The following DHX30 variants were observed in gnomAD, a reference collection of about 807,000 sequenced individuals.
DHX30 encodes the protein ATP-dependent RNA helicase DHX30.
In DHX30, 4 loss-of-function variants were observed where a neutral mutation model predicts 116.9. The observed-to-expected ratio is 0.03, with a 90% CI of 0.02 to 0.08. The LOEUF (loss-of-function observed/expected upper bound fraction) is 0.08. Among genes scored for constraint, DHX30 ranks in the 10% least tolerant of loss-of-function variants. The pLI, the probability that DHX30 is intolerant of heterozygous loss-of-function variation, is 1.00. For synonymous variants in DHX30, 697 were observed against 651.7 expected (o/e 1.07, Z -1.06); for missense variants, 871 against 1,595.1 (o/e 0.55, Z 7.73).
intron 6 of DHX30, among the ~76,000 whole-genome samples, chr3:47,830,122 G>GCA (rs2036776513): frequency 6.7e-6 from 1 of 150,336 alleles, no homozygotes; most frequent in Non-Finnish European, 1.5e-5. Flanking sequence ...GAGCCACCAT[G>GCA]CCTGGCCAAC....
At chr3:47,835,407 A>G (rs1211739969) in intron 6 of DHX30, among the ~76,000 whole-genome samples, 1 of 149,016 alleles carries the variant, frequency 6.7e-6, no homozygotes, top group Non-Finnish European at 1.5e-5. Context: ...ACCTCAGGTG[A>G]TCTGCCTGCC....
intron 6 of DHX30, among the ~76,000 whole-genome samples, chr3:47,836,440 C>A (rs2037120945): frequency 6.6e-6 from 1 of 151,884 alleles, no homozygotes; most frequent in Non-Finnish European, 1.5e-5. Flanking sequence ...GCCCGGCCAT[C>A]CCAGCCTGTC....
chr3:47,826,701 C>T (rs2036570401), intron 4 of DHX30, among the ~76,000 whole-genome samples: 1 of 146,970 alleles, frequency 6.8e-6, no homozygotes, highest in Non-Finnish European at 1.5e-5. Context: ...ATCCACCCGC[C>T]TTGGCCTCCC....
intron 2 of DHX30, among the ~76,000 whole-genome samples, chr3:47,809,558 T>G (rs1044163988): frequency 6.6e-6 from 1 of 152,186 alleles, no homozygotes; most frequent in Non-Finnish European, 1.5e-5. Flanking sequence ...TGTAACTTCT[T>G]AAAGTAAATG....
chr3:47,848,825 C>T lies in DHX30; in HGVS notation c.2769+8C>T. 6.2e-7 allele frequency: 1 copy of T among 1,605,718 alleles called. No homozygotes were observed. The highest frequency in any genetic ancestry group is 8.5e-7 in the Non-Finnish European group (1 of 1,173,024). Reference sequence around the variant, plus strand: ...CGGGCAGAGGTGGACAAGGTCAGTCCTGGCTCCTTCCTGGAGCCGTCCACC... The same window carrying T: ...CGGGCAGAGGTGGACAAGGTCAGTCTTGGCTCCTTCCTGGAGCCGTCCACC... On this transcript the variant is annotated splice_region_variant and intron_variant, in intron 17 of 21. Coordinates refer to ENST00000445061, the MANE Select transcript of DHX30 (RefSeq NM_138615.3). This position sits in a 1 kb window ranked among gnomAD's most constrained non-coding sequence, Gnocchi z 9.4.
intron 4 of DHX30, chr3:47,821,980 A>G (rs1351365271): frequency 6.6e-6 from 1 of 152,232 alleles, no homozygotes; most frequent in African/African-American, 2.4e-5. Context: ...TGTGGGGCAT[A>G]TGCTTTCTGT....
In DHX30 at chr3:47,847,559, C is replaced by A; in HGVS notation, c.2110+23C>A. On this transcript the variant is annotated intron_variant, in intron 13 of 21. Coordinates refer to ENST00000445061, the MANE Select transcript of DHX30 (RefSeq NM_138615.3). The surrounding 1 kb of genome is among the most constrained non-coding windows in gnomAD (Gnocchi z 5.5). ...CAGGTGAGAGCCCCGGCGGAGGGAC[C>A]AGGGACCTTTGGAAACCAGCCTGAC... 1.3e-6 allele frequency: 2 copies of A among 1,562,808 alleles called. No individual in the cohort carries two copies. The highest frequency in any genetic ancestry group is 2.4e-5 in the South Asian group (2 of 85,036).
rs774092364 is a variant in DHX30 at position 47,848,155 on chromosome 3, G to C, written c.2287-25G>C. 1 of 1,612,602 alleles carries C rather than the reference G, an allele frequency of 6.2e-7. No individual in the cohort carries two copies. Among genetic ancestry groups the C allele is most frequent in the East Asian group, 2.2e-5 (1 of 44,866 alleles). On this transcript the variant is annotated intron_variant, in intron 14 of 21. Coordinates refer to ENST00000445061, the MANE Select transcript of DHX30 (RefSeq NM_138615.3). This position sits in a 1 kb window ranked among gnomAD's most constrained non-coding sequence, Gnocchi z 9.4. ...AGCACTGAGGAAGTGGCATTTGTGTGCTGCTTACTTGCCACCTCCTCCAGG... is the reference window on the plus strand; with the variant it reads ...AGCACTGAGGAAGTGGCATTTGTGTCCTGCTTACTTGCCACCTCCTCCAGG...
intron 6 of DHX30, among the ~76,000 whole-genome samples, 182 bp downstream of exon 6, chr3:47,829,316 T>TATATA (rs139342520): frequency 3.1e-3 from 104 of 33,216 alleles, no homozygotes; most frequent in African/African-American, 6.3e-3. Flanking sequence ...ATATATATAT[T>TATATA]TTTTTTTTTT....
At chr3:47,803,588 T>A (rs2035390281) in intron 1 of DHX30, among the ~76,000 whole-genome samples, 1 of 152,158 alleles carries the variant, frequency 6.6e-6, no homozygotes, top group South Asian at 2.1e-4. Context: ...GGAGGAAGCC[T>A]CCTGAGTGCC....
intron 6 of DHX30, among the ~76,000 whole-genome samples, chr3:47,829,501 G>T (rs931171321): frequency 6.6e-6 from 1 of 151,154 alleles, no homozygotes; most frequent in Non-Finnish European, 1.5e-5. Context: ...CCACCACCAC[G>T]CCTGGCTAAT....
At position 47,847,900 on chromosome 3, in the gene DHX30, G is replaced by A. The variant is rs1014435845; in HGVS notation, c.2230G>A (p.Val744Met). The A allele has an allele frequency of 3.1e-6, 5 of 1,614,056 alleles. No homozygotes were observed. The highest frequency in any genetic ancestry group is 4.2e-6 in the Non-Finnish European group (5 of 1,180,054). Reference sequence around the variant, plus strand: ...GACTTCCATCACAATCAATGACATCGTGCATGTGGTGGACAGTGGGCTGCA... The same window carrying A: ...GACTTCCATCACAATCAATGACATCATGCATGTGGTGGACAGTGGGCTGCA... ...AETSITINDI[V>M]HVVDSGLHKE... Residue 744 changes from valine to methionine, a missense_variant, in exon 14 of 22, where the codon GTG becomes ATG. Coordinates refer to ENST00000445061, the MANE Select transcript of DHX30 (RefSeq NM_138615.3). The surrounding 1 kb of genome is among the most constrained non-coding windows in gnomAD (Gnocchi z 5.5).
chr3:47,826,199 G>C (rs2036545001), intron 4 of DHX30: 1 of 152,256 alleles, frequency 6.6e-6, no homozygotes, highest in South Asian at 2.1e-4. Context: ...CCAGAGGCTA[G>C]AGTGGAGAAT....
intron 2 of DHX30, among the ~76,000 whole-genome samples, chr3:47,806,144 ATTT>A (rs779592393): frequency 5.1e-5 from 5 of 97,816 alleles, no homozygotes; most frequent in South Asian, 3.4e-4. Context: ...ATTTTTTTGT[ATTT>A]TTTTTTTTTT....
intron 6 of DHX30, among the ~76,000 whole-genome samples, chr3:47,839,080 G>T (rs144047135): frequency 1.2e-3 from 185 of 151,970 alleles, no homozygotes; most frequent in African/African-American, 4.3e-3. Context: ...GCAAGGACCA[G>T]GTCTTGTCTC....
rs759173942 is a variant in DHX30, at chr3:47,849,922, G to A, written c.3387G>A (p.Glu1129=). The part of the protein sequence containing the change: ...SLSDSDLLRL[E]GDSRTVRLLK... ...GCGACAGTGACCTGCTGCGGCTGGA[G>A]GGTGACTCGCGTACCGTGCGGCTGC... The change falls in exon 22 of 22, where the codon GAG becomes GAA. Residue 1129 remains glutamate, a synonymous_variant. Coordinates refer to ENST00000445061, the MANE Select transcript of DHX30 (RefSeq NM_138615.3). 1 of 1,613,372 alleles carries A rather than the reference G, an allele frequency of 6.2e-7. No individual in the cohort carries two copies. The highest frequency in any genetic ancestry group is 1.1e-5 in the South Asian group (1 of 91,038).
intron 4 of DHX30, among the ~76,000 whole-genome samples, chr3:47,822,471 GAGAA>G (rs10551637): frequency 0.6 from 91,295 of 151,682 alleles, 28,814 homozygotes; most frequent in East Asian, 0.72. Flanking sequence ...GCAGACAAGA[GAGAA>G]AGACAGAACC....
intron 3 of DHX30, 124 bp downstream of exon 3, chr3:47,810,835 G>A (rs1324032407): frequency 2.0e-6 from 2 of 1,008,258 alleles, no homozygotes; most frequent in African/African-American, 3.2e-5. Flanking sequence ...TTTTCCAAAG[G>A]CCTTTCCTAT....
chr3:47,834,190 G>A (rs372816469), intron 6 of DHX30, among the ~76,000 whole-genome samples: 2 of 151,944 alleles, frequency 1.3e-5, no homozygotes, highest in African/African-American at 2.4e-5. Context: ...TGCAACCTCC[G>A]CCTCCTAGGT....
Sources: gnomAD v4.1 joint callset for allele counts (sites outside exome capture counted in the v4.1 genomes callset) on GRCh38, gnomAD v4.1.1 for gene constraint, Gnocchi (gnomAD v3.1) non-coding constraint, MANE v1.5 for transcripts, NCBI Gene and HGNC (gene_info 2026-07-23, HGNC 2026-07-21) for gene names.